INPP5J: variants seen among roughly 807,000 people sequenced by gnomAD.
INPP5J encodes inositol polyphosphate-5-phosphatase J.
INPP5J carries 75 observed loss-of-function variants against 86.6 expected under a neutral mutation model. That is an observed-to-expected ratio of 0.87 (90% confidence interval 0.72 to 1.05). The LOEUF (loss-of-function observed/expected upper bound fraction) is 1.05, where lower values mean the gene tolerates loss of function less well. Ranked by LOEUF, INPP5J falls within the 50% of genes least tolerant of loss-of-function variation. INPP5J has a pLI of 0.00. For synonymous variants in INPP5J, 540 were observed against 550.0 expected (o/e 0.98, Z 0.25); for missense variants, 1,229 against 1,341.2 (o/e 0.92, Z 1.31).
rs185711845 is a variant in INPP5J, at chr22:31,126,469, C to T, written c.1365C>T (p.Gly455=). The T allele has an allele frequency of 1.9e-3, 3,102 of 1,613,632 alleles. 8 individuals are homozygous for T. Among genetic ancestry groups the T allele is most frequent in the Non-Finnish European group, 2.3e-3 (2,756 of 1,179,764 alleles). Residue 455 remains glycine (G), a synonymous_variant, in exon 3 of 13, where the codon GGC becomes GGT. Coordinates refer to ENST00000331075, the MANE Select transcript of INPP5J (RefSeq NM_001284285.2). ...LHLGGGDDSD[G]ADMIAIGLQE... ...TGGGCGGTGGTGACGACAGCGACGG[C>T]GCAGACATGATCGCCATAGGGTGAG...
At chr22:31,124,292 G>A (rs1921137932) in intron 1 of INPP5J, 1 of 987,710 alleles carries the variant, frequency 1.0e-6, no homozygotes, top group Non-Finnish European at 1.2e-6. Flanking sequence ...CTGTAACCAA[G>A]GGATTTGGAT....
Position 31,127,996 on chromosome 22 carries a change from T to A in INPP5J, c.1833T>A (p.Tyr611Ter). Reference sequence around the variant, plus strand: ...ACCTGAACTTCCGCATTGAGAGCTATGACCTGCACTTTGTCAAGTTTGCCA... The same window carrying A: ...ACCTGAACTTCCGCATTGAGAGCTAAGACCTGCACTTTGTCAAGTTTGCCA... The part of the protein sequence containing the change: ...FGDLNFRIES[Y>*]DLHFVKFAID... The change falls in exon 7 of 13, where the codon TAT becomes TAA. Residue 611 changes from tyrosine to a stop codon, truncating the protein, a stop_gained. Coordinates refer to ENST00000331075, the MANE Select transcript of INPP5J (RefSeq NM_001284285.2). LOFTEE classifies it high-confidence loss of function. 1 of 1,609,694 alleles carries A rather than the reference T, an allele frequency of 6.2e-7. No homozygotes were observed. Among genetic ancestry groups the A allele is most frequent in the Non-Finnish European group, 8.5e-7 (1 of 1,178,002 alleles).
Position 31,125,391 on chromosome 22 carries a change from C to A in INPP5J, c.652C>A (p.Leu218Met). ...PVLSPTQEQA[L>M]APASTASGAA... ...TCTGTCTCCAACTCAGGAACAGGCC[C>A]TGGCTCCAGCATCCACGGCATCAGG... The change falls in exon 2 of 13, where the codon CTG becomes ATG. Residue 218 changes from leucine to methionine, a missense_variant. Physicochemically the swap from Leu to Met is conservative, Grantham distance 15. Transcript: ENST00000331075. 1 of 1,550,620 alleles carries A rather than the reference C, an allele frequency of 6.4e-7. No individual in the cohort carries two copies. The highest frequency in any genetic ancestry group is 1.2e-5 in the South Asian group (1 of 84,064).
rs5997881 is a variant in INPP5J at position 31,125,645 on chromosome 22, G to A, written c.906G>A (p.Gln302=). The A allele has an allele frequency of 1.9e-6, 3 of 1,550,424 alleles. No individual in the cohort carries two copies. Among genetic ancestry groups the A allele is most frequent in the Non-Finnish European group, 2.6e-6 (3 of 1,146,956 alleles). The change falls in exon 2 of 13, where the codon CAG becomes CAA. Residue 302 remains glutamine, a synonymous_variant. Transcript: ENST00000331075. ...PEDPVLPRPP[Q]TLPLDVGQGP... ...ATCCTGTTTTGCCACGGCCACCCCA[G>A]ACCTTGCCCTTGGATGTGGGCCAGG...
chr22:31,129,600 G>A (rs1921880603), intron 9 of INPP5J, among the ~76,000 whole-genome samples: 1 of 143,304 alleles, frequency 7.0e-6, no homozygotes, highest in Non-Finnish European at 1.5e-5. Flanking sequence ...CTGGAGTGCA[G>A]TGGCGTGGTC....
Position 31,134,125 on chromosome 22 carries a change from C to T in INPP5J, c.2727C>T (p.Ala909=), listed in dbSNP as rs1325224786. The part of the protein sequence containing the change: ...LRPSSRERRG[A]SRSPSPQSRR... ...CCTCATCCCGTGAACGCCGTGGTGC[C>T]AGCCGTAGCCCCTCACCCCAGAGCC... Residue 909 remains alanine (A), a synonymous_variant, in exon 13 of 13, where the codon GCC becomes GCT. Coordinates refer to ENST00000331075, the MANE Select transcript of INPP5J (RefSeq NM_001284285.2). 1 of 1,550,680 alleles carries T rather than the reference C, an allele frequency of 6.4e-7. No individual in the cohort carries two copies. Among genetic ancestry groups the T allele is most frequent in the South Asian group, 1.2e-5 (1 of 84,078 alleles).
chr22:31,127,286 A>C, intron 5 of INPP5J, 71 bp from the exon 6 acceptor site: 1 of 1,417,076 alleles, frequency 7.1e-7, no homozygotes. Context: ...TCTCCTCTCT[A>C]ACCCCCGCTC....
chr22:31,131,999 C>G (rs73156799), intron 9 of INPP5J, among the ~76,000 whole-genome samples: 12,120 of 152,320 alleles, frequency 0.08, 592 homozygotes, highest in Admixed American at 0.13. Flanking sequence ...AATATCCTGG[C>G]AGCCTGCCAC....
Position 31,125,998 on chromosome 22 carries a change from A to C in INPP5J, c.1259A>C (p.Asp420Ala), listed in dbSNP as rs1387022589. The change falls in exon 2 of 13, where the codon GAC becomes GCC. Residue 420 changes from aspartate (D) to alanine (A), a missense_variant. Coordinates refer to ENST00000331075, the MANE Select transcript of INPP5J (RefSeq NM_001284285.2). Reference protein sequence around the residue: ...PWSAQPTWKSDPGFRITVVTW... With the variant: ...PWSAQPTWKSAPGFRITVVTW... ...TCAGCTCAGCCTACCTGGAAGAGCG[A>C]CCCCGGCTTCCGGTGAGGGGGCCCT... The C allele has an allele frequency of 6.4e-7, 1 of 1,567,038 alleles. No homozygotes were observed. Among genetic ancestry groups the C allele is most frequent in the Non-Finnish European group, 8.7e-7 (1 of 1,153,566 alleles).
chr22:31,126,761 C>A, intron 4 of INPP5J, 40 bp downstream of exon 4: 1 of 1,554,240 alleles, frequency 6.4e-7, no homozygotes, highest in Non-Finnish European at 8.9e-7. Flanking sequence ...AGAGACCCTG[C>A]TGAATTCCTG....
exon 1 of INPP5J, chr22:31,122,957 GGGAGCGGTAGAGCTGGAGCC>G: frequency 8.6e-7 from 1 of 1,167,284 alleles, no homozygotes. Context: ...ACTGGTTCCC[GGGAGCGGTAGAGCTGGAGCC>G]GGAGCCAAGG....
chr22:31,123,176 C>CT (rs1569283379), intron 1 of INPP5J, 57 bp downstream of exon 1: 3 of 1,071,362 alleles, frequency 2.8e-6, no homozygotes. Flanking sequence ...TCCACACACC[C>CT]CCCCCACATA....
At position 31,125,181 on chromosome 22, in the gene INPP5J, C is replaced by T. The variant is rs150867939; in HGVS notation, c.442C>T (p.Pro148Ser). The T allele has an allele frequency of 6.5e-4, 1,006 of 1,550,466 alleles. 14 individuals carry two copies. In the East Asian group the frequency reaches 0.023, roughly 35 times the overall value. ...LGLVMPASAG[P>S]RSPPVTLGPN... is the part of the protein sequence containing the mutation. ...GCTGGTGATGCCTGCCTCAGCAGGG[C>T]CAAGATCTCCCCCAGTCACCCTGGG... Residue 148 changes from proline (P) to serine (S), a missense_variant, in exon 2 of 13, where the codon CCA becomes TCA. Physicochemically the swap from Pro to Ser is moderately conservative, Grantham distance 74. Coordinates refer to ENST00000331075, the MANE Select transcript of INPP5J (RefSeq NM_001284285.2).
At chr22:31,133,356 A>G in intron 10 of INPP5J, 50 bp from the exon 11 acceptor site, 1 of 1,604,290 alleles carries the variant, frequency 6.2e-7, no homozygotes, top group South Asian at 1.1e-5. Context: ...GACTGCTGGG[A>G]TCAGACATTA....
At chr22:31,127,080 G>T in intron 5 of INPP5J, 43 bp downstream of exon 5, 1 of 1,363,776 alleles carries the variant, frequency 7.3e-7, no homozygotes. Flanking sequence ...GACATGAAGG[G>T]GGCTTTAGAT....
chr22:31,129,214 G>T (rs1485288970), intron 9 of INPP5J, among the ~76,000 whole-genome samples: 3 of 142,914 alleles, frequency 2.1e-5, no homozygotes, highest in Non-Finnish European at 4.5e-5. Flanking sequence ...ACAGGCGTGA[G>T]CTACCGTGTC....
At chr22:31,130,512 TC>T (rs2147881891) in intron 9 of INPP5J, among the ~76,000 whole-genome samples, 1 of 145,196 alleles carries the variant, frequency 6.9e-6, no homozygotes, top group South Asian at 2.2e-4. Flanking sequence ...AGACCTTGTC[TC>T]AAAAAAAAAA....
At position 31,125,377 on chromosome 22, in the gene INPP5J, C is replaced by T; in HGVS notation, c.638C>T (p.Thr213Ile). The T allele has an allele frequency of 1.9e-6, 3 of 1,550,644 alleles. No individual in the cohort carries two copies. The highest frequency in any genetic ancestry group is 1.2e-5 in the South Asian group (1 of 84,060). The part of the protein sequence containing the change: ...SPVPSPVLSP[T>I]QEQALAPAST... ...GTGCCCAGTCCAGTTCTGTCTCCAA[C>T]TCAGGAACAGGCCCTGGCTCCAGCA... The change falls in exon 2 of 13, where the codon ACT becomes ATT. Residue 213 changes from threonine to isoleucine, a missense_variant. Physicochemically the swap from Thr to Ile is moderately conservative, Grantham distance 89. Coordinates refer to ENST00000331075, the MANE Select transcript of INPP5J (RefSeq NM_001284285.2).
At chr22:31,131,383 T>C (rs1215552870) in intron 9 of INPP5J, among the ~76,000 whole-genome samples, 1 of 151,976 alleles carries the variant, frequency 6.6e-6, no homozygotes, top group Non-Finnish European at 1.5e-5. Flanking sequence ...GCCAACACAG[T>C]GAAACCCTCT....
Sources: gnomAD v4.1 joint callset for allele counts (sites outside exome capture counted in the v4.1 genomes callset) on GRCh38, gnomAD v4.1.1 for gene constraint, MANE v1.5 for transcripts, NCBI Gene and HGNC (gene_info 2026-07-23, HGNC 2026-07-21) for gene names.